DUSP4: variants seen among roughly 807,000 people sequenced by gnomAD.
DUSP4 encodes dual specificity protein phosphatase 4.
A neutral mutation model predicts 27.2 loss-of-function variants in DUSP4; 12 were observed. The ratio of observed to expected loss-of-function variants is 0.44; its 90% CI spans 0.28 to 0.71. The LOEUF (loss-of-function observed/expected upper bound fraction) is 0.71. DUSP4 is among the 30% of genes least tolerant of loss of function. DUSP4 has a pLI of 0.14. For synonymous variants in DUSP4, 257 were observed against 245.2 expected, an observed-to-expected ratio of 1.05 and a Z score of -0.45; for missense variants, 448 against 551.3, an observed-to-expected ratio of 0.81 and a Z score of 1.88.
At chr8:29,340,371 C>T in intron 1 of DUSP4, 128 bp from the exon 2 acceptor site, 1 of 1,208,784 alleles carries the variant, frequency 8.3e-7, no homozygotes, top group East Asian at 2.6e-5. Flanking sequence ...ATATTGGCCA[C>T]TAGGTGGCGC....
In DUSP4 at chr8:29,337,463, G is replaced by T; in HGVS notation, c.800-52C>A. ...GCACGTTTCTGCAGACCCCAGCCCCGACCAGGGGCACCGGCCAGCCCCTGG... is the reference window on the plus strand; with the variant it reads ...GCACGTTTCTGCAGACCCCAGCCCCTACCAGGGGCACCGGCCAGCCCCTGG... On this transcript the variant is annotated intron_variant, in intron 3 of 3. Transcript: ENST00000240100. The surrounding 1 kb of genome is among the most constrained non-coding windows in gnomAD (Gnocchi z 6.4). The T allele has an allele frequency of 1.3e-6, 2 of 1,528,024 alleles. No homozygotes were observed. The highest frequency in any genetic ancestry group is 2.5e-5 in the South Asian group (2 of 79,062). The allele number at this position is 1,528,024 out of a possible 1,614,324, so 94.7% of individuals were successfully genotyped here. A position where few individuals can be genotyped will look rare whatever the true frequency, so the allele number is the denominator to read the frequency against.
At position 29,350,668 on chromosome 8, in the gene DUSP4, C is replaced by T. The variant is rs1817811055; in HGVS notation, c.-390G>A. On this transcript the variant is annotated 5_prime_UTR_variant, in exon 1 of 4. Coordinates refer to ENST00000240100, the MANE Select transcript of DUSP4 (RefSeq NM_001394.7). The stretch of plus-strand genomic sequence containing the variant: ...CTGCCTACGCTCCTCCGGCGCTCAG[C>T]GCACTGCCCCAGCCAGAGTTTTCTC... 9.5e-6 allele frequency: 2 copies of T among 210,732 alleles called. No homozygotes were observed. Among genetic ancestry groups the T allele is most frequent in the South Asian group, 2.5e-4 (2 of 8,110 alleles). The allele number at this position is 210,732 out of a possible 1,614,324, so 13.1% of individuals were successfully genotyped here.
At chr8:29,345,421 C>T (rs1721823498) in intron 1 of DUSP4, 3 of 1,613,988 alleles carry the variant, frequency 1.9e-6, no homozygotes. Context: ...TGGCTGACAC[C>T]TAACGCCATG....
intron 1 of DUSP4, among the ~76,000 whole-genome samples, chr8:29,342,623 C>A (rs1360031315): frequency 2.0e-5 from 3 of 152,162 alleles, no homozygotes; most frequent in Non-Finnish European, 4.4e-5. Context: ...CAGGCATGGC[C>A]ATGGCTGCCA....
Position 29,345,797 on chromosome 8 carries a change from G to A in DUSP4, c.433+4049C>T. 3 of 1,222,816 alleles carry A rather than the reference G, an allele frequency of 2.5e-6. No individual in the cohort carries two copies. The South Asian group carries it at 7.8e-5, about 32-fold the overall frequency. The allele number at this position is 1,222,816 out of a possible 1,614,324, so 75.7% of individuals were successfully genotyped here. The stretch of plus-strand genomic sequence containing the variant: ...CCTACATCTGTCTTTAGTTACTTTT[G>A]TTAGTTGGAGACATCCAATGTAAAT... On this transcript the variant is annotated intron_variant, in intron 1 of 3. Transcript: ENST00000240100.
intron 1 of DUSP4, chr8:29,348,779 T>A (rs1432993713): frequency 4.7e-5 from 46 of 984,822 alleles, no homozygotes; most frequent in Non-Finnish European, 5.4e-5. Flanking sequence ...AGCGGCTCTT[T>A]GATGGGTGTG....
intron 1 of DUSP4, among the ~76,000 whole-genome samples, chr8:29,341,957 A>C (rs538606250): frequency 6.6e-6 from 1 of 152,396 alleles, no homozygotes; most frequent in East Asian, 1.9e-4. Flanking sequence ...AATTCTAAGT[A>C]CATGATCCTT....
At chr8:29,347,960 C>G (rs140608635) in intron 1 of DUSP4, 73 of 985,400 alleles carry the variant, frequency 7.4e-5, no homozygotes, top group Non-Finnish European at 8.4e-5. Context: ...AATAATCCCT[C>G]TCTCCCCGGG....
At chr8:29,345,259 TG>T in intron 1 of DUSP4, 1 of 1,297,112 alleles carries the variant, frequency 7.7e-7, no homozygotes. Context: ...AGTCTGGGGT[TG>T]TTTGAAGGCC....
intron 1 of DUSP4, 48 bp from the exon 2 acceptor site, chr8:29,340,291 G>A (rs201411925): frequency 1.9e-5 from 29 of 1,546,532 alleles, no homozygotes; most frequent in Non-Finnish European, 2.2e-5. Flanking sequence ...TAAGCCAGCA[G>A]GAAGTCAGAA....
At chr8:29,338,201 C>T (rs1158696987) in intron 3 of DUSP4, 81 bp downstream of exon 3, 2 of 1,456,102 alleles carry the variant, frequency 1.4e-6, no homozygotes, top group African/African-American at 1.4e-5. Context: ...CCAATGTCCA[C>T]CTTCAACCCA....
intron 1 of DUSP4, chr8:29,348,437 T>A: frequency 4.1e-6 from 4 of 983,734 alleles, no homozygotes; most frequent in Non-Finnish European, 4.8e-6. Flanking sequence ...GGAGGGGGAC[T>A]GGGCTCATTT....
chr8:29,340,863 C>G (rs1471600754), intron 1 of DUSP4, among the ~76,000 whole-genome samples: 1 of 152,124 alleles, frequency 6.6e-6, no homozygotes, highest in East Asian at 1.9e-4. Flanking sequence ...TATTTCCTGA[C>G]CTGAGAGTGG....
intron 1 of DUSP4, chr8:29,348,437 T>C: frequency 1.0e-6 from 1 of 983,734 alleles, no homozygotes; most frequent in South Asian, 4.7e-5. Flanking sequence ...GGAGGGGGAC[T>C]GGGCTCATTT....
In DUSP4 at chr8:29,340,134, C is replaced by G; in HGVS notation, c.543G>C (p.Leu181=). 1 of 1,599,368 alleles carries G rather than the reference C, an allele frequency of 6.3e-7. No individual in the cohort carries two copies. Among genetic ancestry groups the G allele is most frequent in the African/African-American group, 1.3e-5 (1 of 74,836 alleles). Residue 181 remains leucine, a synonymous_variant, in exon 2 of 4, where the codon CTG becomes CTC. Coordinates refer to ENST00000240100, the MANE Select transcript of DUSP4 (RefSeq NM_001394.7). ...GTGGGGTCCCACAGGAGCTGCAGCC[C>G]AGGTCCAAGGGCTCTGTGGCACTGG... ...VPPSATEPLD[L]GCSSCGTPLH...
chr8:29,348,719 G>T (rs1022653373), intron 1 of DUSP4: 2 of 985,450 alleles, frequency 2.0e-6, no homozygotes, highest in Non-Finnish European at 2.4e-6. Flanking sequence ...GAAGAGGAGC[G>T]GAAAGGAAAG....
rs916594736 is a variant in DUSP4 at position 29,335,072 on chromosome 8, TA to T, written c.*1953del. ...GGTGAGCAAGAATGTTCATTAGATG[TA>T]GACTCTCAAAGGGCTAAAAAAAACC... is the stretch of plus-strand genomic sequence containing the variant. On this transcript the variant is annotated 3_prime_UTR_variant, in exon 4 of 4. Transcript: ENST00000240100. The T allele has an allele frequency of 7.9e-4, 121 of 152,270 alleles. No individual in the cohort carries two copies. The highest frequency in any genetic ancestry group is 2.8e-3 in the African/African-American group (116 of 41,544). The allele number at this position is 152,270 out of a possible 1,614,324, so 9.4% of individuals were successfully genotyped here.
At position 29,350,078 on chromosome 8, in the gene DUSP4, C is replaced by T. The variant is rs1448037719; in HGVS notation, c.201G>A (p.Val67=). 6.2e-7 allele frequency: 1 copy of T among 1,606,212 alleles called. No homozygotes were observed. The highest frequency in any genetic ancestry group is 1.3e-5 in the African/African-American group (1 of 74,790). Residue 67 remains valine, a synonymous_variant, in exon 1 of 4, where the codon GTG becomes GTA. Coordinates refer to ENST00000240100, the MANE Select transcript of DUSP4 (RefSeq NM_001394.7). ...GCCGCCGCACGATGGTGTTACAGCG[C>T]ACGTTGACCGAACCTAGGATGTAGC... ...SAGYILGSVN[V]RCNTIVRRRA... is the part of the protein sequence containing the mutation.
chr8:29,340,278 C>T (rs1178586849), intron 1 of DUSP4, 35 bp from the exon 2 acceptor site: 3 of 1,560,748 alleles, frequency 1.9e-6, no homozygotes, highest in Non-Finnish European at 2.6e-6. Context: ...TTAATGGGGT[C>T]ACTAAGCCAG....
Sources: allele counts gnomAD v4.1 joint callset (sites outside exome capture counted in the v4.1 genomes callset), GRCh38; gene constraint gnomAD v4.1.1; non-coding constraint Gnocchi (gnomAD v3.1); transcripts MANE v1.5; gene names NCBI Gene and HGNC (gene_info 2026-07-23, HGNC 2026-07-21).